Variants in SNX13 observed in about 807,000 individuals in gnomAD.
SNX13 encodes the protein sorting nexin 13.
Under a neutral mutation model 133.6 loss-of-function variants are expected in SNX13, and 45 were observed. The observed-to-expected ratio is 0.34, with a 90% CI of 0.27 to 0.43. The LOEUF (loss-of-function observed/expected upper bound fraction) is 0.43. Ranked by LOEUF, SNX13 falls within the 20% of genes least tolerant of loss-of-function variation. SNX13 has a pLI of 1.00. For synonymous variants in SNX13, 414 were observed against 373.9 expected, an observed-to-expected ratio of 1.11 and a Z score of -1.24; for missense variants, 1,032 against 1,145.1, an observed-to-expected ratio of 0.90 and a Z score of 1.43.
At chr7:17,863,339 ACCAGCTATGGTGG>A (rs1382222300) in intron 9 of SNX13, among the ~76,000 whole-genome samples, 1 of 152,074 alleles carries the variant, frequency 6.6e-6, no homozygotes, top group Non-Finnish European at 1.5e-5. Flanking sequence ...CCAGTGTAAC[ACCAGCTATGGTGG>A]CCAGCAGAGT....
chr7:17,808,001 A>C (rs1785520261), intron 20 of SNX13, among the ~76,000 whole-genome samples: 1 of 152,212 alleles, frequency 6.6e-6, no homozygotes, highest in African/African-American at 2.4e-5. Flanking sequence ...AGAAGAGGAA[A>C]AACCAGTGCA....
chr7:17,802,564 G>C (rs1305811798), intron 21 of SNX13, among the ~76,000 whole-genome samples: 1 of 152,074 alleles, frequency 6.6e-6, no homozygotes, highest in Non-Finnish European at 1.5e-5. Flanking sequence ...ATGAACAGCA[G>C]AAGTGCGACT....
chr7:17,845,109 G>A (rs964149201), intron 12 of SNX13, among the ~76,000 whole-genome samples: 1 of 151,776 alleles, frequency 6.6e-6, no homozygotes, highest in African/African-American at 2.4e-5. Context: ...AAAGTGGAGG[G>A]AGGGGAGAAG....
At position 17,912,098 on chromosome 7, in the gene SNX13, A is replaced by C. The variant is rs181464662; in HGVS notation, c.13-14652T>G. Among the ~76,000 whole-genome samples, 888 of 152,338 alleles carry C rather than the reference A, an allele frequency of 5.8e-3. 5 individuals carry two copies. The highest frequency in any genetic ancestry group is 0.02 in the Middle Eastern group (6 of 294). ...CATAAAGATCAACTCTGCAAGCTTT[A>C]ATTCAAGAAAGAAAACAGGATTCAC... is the stretch of plus-strand genomic sequence containing the variant. On this transcript the variant is annotated intron_variant, in intron 1 of 25. Coordinates refer to ENST00000428135, the MANE Select transcript of SNX13 (RefSeq NM_015132.5).
intron 17 of SNX13, among the ~76,000 whole-genome samples, chr7:17,825,710 G>A (rs532095451): frequency 2.6e-5 from 4 of 152,064 alleles, no homozygotes; most frequent in South Asian, 4.1e-4. Flanking sequence ...AAGATTTAAC[G>A]AGAATTATAC....
At chr7:17,822,565 G>C (rs887288294) in intron 17 of SNX13, among the ~76,000 whole-genome samples, 1 of 151,806 alleles carries the variant, frequency 6.6e-6, no homozygotes, top group African/African-American at 2.4e-5. Flanking sequence ...ACATACTTAC[G>C]GCCAAGTCTA....
chr7:17,920,625 T>C (rs1289304782), intron 1 of SNX13, among the ~76,000 whole-genome samples: 2 of 152,196 alleles, frequency 1.3e-5, no homozygotes, highest in Admixed American at 1.3e-4. Context: ...CATTTATTCT[T>C]ACAAAAACTT....
intron 5 of SNX13, chr7:17,882,708 A>T: frequency 1.2e-6 from 1 of 822,160 alleles, no homozygotes; most frequent in Non-Finnish European, 1.6e-6. Flanking sequence ...ACATGATTGA[A>T]AAGAAATCAA....
chr7:17,802,692 CTTACA>C (rs1243737075), intron 21 of SNX13, among the ~76,000 whole-genome samples: 3 of 152,020 alleles, frequency 2.0e-5, no homozygotes, highest in African/African-American at 4.8e-5. Context: ...AGGAGTGGCC[CTTACA>C]TTAAAGAAAA....
intron 25 of SNX13, chr7:17,796,236 A>C (rs1167866061): frequency 1.3e-5 from 2 of 151,926 alleles, no homozygotes; most frequent in Non-Finnish European, 2.9e-5. Context: ...GCTATACCCT[A>C]ATGAAGCAAC....
In SNX13 at chr7:17,875,714, T is replaced by C; in HGVS notation, c.517A>G (p.Arg173Gly). The change falls in exon 6 of 26, where the codon AGA (arginine) becomes GGA (glycine). Residue 173 changes from arginine to glycine, a missense_variant. Coordinates refer to ENST00000428135, the MANE Select transcript of SNX13 (RefSeq NM_015132.5). ...TCTGTTATTTTCTGTTGAGCCTTTC[T>C]GAATACTCGTAAGTGTGTGCCAAAG... ...DDFGTHLRVF[R>G]KAQQKITEKD... 1 of 1,612,452 alleles carries C rather than the reference T, an allele frequency of 6.2e-7. No homozygotes were observed. The highest frequency in any genetic ancestry group is 1.7e-5 in the Admixed American group (1 of 59,840).
Position 17,818,211 on chromosome 7 carries a change from T to C in SNX13, c.1846-1922A>G, listed in dbSNP as rs1786887912. Among the ~76,000 whole-genome samples, 7 of 152,140 alleles carry C rather than the reference T, an allele frequency of 4.6e-5. No individual in the cohort carries two copies. In the South Asian group the frequency reaches 1.5e-3, roughly 32 times the overall value. The stretch of plus-strand genomic sequence containing the variant: ...TCTAGTCTCTGGAACTGTAAGAAAA[T>C]ACATTTCTGTTGTTTGGGCCACCCG... On this transcript the variant is annotated intron_variant, in intron 18 of 25. Transcript: ENST00000428135.
chr7:17,893,352 T>C lies in SNX13; in HGVS notation c.208A>G (p.Thr70Ala), dbSNP rs376424127. The C allele has an allele frequency of 1.3e-4, 198 of 1,574,734 alleles. No homozygotes were observed. Among genetic ancestry groups the C allele is most frequent in the East Asian group, 3.2e-4 (14 of 43,300 alleles). The part of the protein sequence containing the change: ...EQCEHSFLPP[T>A]SPGVPKCLEE... ...TTTACCTTAGGAACCCCAGGTGATG[T>C]TGGAGGAAGAAATGAGTGTTCACAC... is the stretch of plus-strand genomic sequence containing the variant. The change falls in exon 3 of 26, where the codon ACA (threonine) becomes GCA (alanine). Residue 70 changes from threonine (T) to alanine (A), a missense_variant. Coordinates refer to ENST00000428135, the MANE Select transcript of SNX13 (RefSeq NM_015132.5).
chr7:17,864,313 T>A (rs553208508), intron 9 of SNX13, among the ~76,000 whole-genome samples: 1 of 152,250 alleles, frequency 6.6e-6, no homozygotes, highest in Non-Finnish European at 1.5e-5. Flanking sequence ...AGAATTCTAT[T>A]GAGAAATTTA....
chr7:17,799,752 G>A lies in SNX13; in HGVS notation c.2299-598C>T, dbSNP rs190343572. On this transcript the variant is annotated intron_variant, in intron 22 of 25. Coordinates refer to ENST00000428135, the MANE Select transcript of SNX13 (RefSeq NM_015132.5). ...TAGCAAATAAAAGTCAGTATTATGGGAGTATACAACCACTAAGTATACAAC... is the reference window on the plus strand; with the variant it reads ...TAGCAAATAAAAGTCAGTATTATGGAAGTATACAACCACTAAGTATACAAC... Among the ~76,000 whole-genome samples the A allele has an allele frequency of 1.6e-3, 239 of 151,680 alleles. 1 individual carries two copies. Among genetic ancestry groups the A allele is most frequent in the Non-Finnish European group, 2.7e-3 (186 of 67,674 alleles).
Position 17,875,642 on chromosome 7 carries a change from A to G in SNX13, c.562+27T>C, listed in dbSNP as rs1259083652. 6.2e-6 allele frequency: 10 copies of G among 1,606,360 alleles called. No individual in the cohort carries two copies. The East Asian group carries it at 6.7e-5, about 11-fold the overall frequency. ...AAAGGAAAACAGATTTTCAAATCCT[A>G]GTTTTCAAATGGAATAAAGATATTA... On this transcript the variant is annotated intron_variant, in intron 6 of 25. Transcript: ENST00000428135.
chr7:17,855,907 G>A (rs1157652134), intron 9 of SNX13, among the ~76,000 whole-genome samples: 1 of 152,190 alleles, frequency 6.6e-6, no homozygotes, highest in African/African-American at 2.4e-5. Context: ...TGATGGATCT[G>A]AACAAAGTAA....
chr7:17,862,448 TAAAA>T (rs1444042085), intron 9 of SNX13, among the ~76,000 whole-genome samples: 1 of 152,112 alleles, frequency 6.6e-6, no homozygotes, highest in Non-Finnish European at 1.5e-5. Flanking sequence ...ATGAAATACA[TAAAA>T]AAGAAAAATT....
At position 17,807,706 on chromosome 7, in the gene SNX13, T is replaced by C. The variant is rs763978387; in HGVS notation, c.2065-4126A>G. On this transcript the variant is annotated intron_variant, in intron 20 of 25. Transcript: ENST00000428135. ...CCATCAGGGGTCGACAGACACCTCA[T>C]ACAGGAGAGCTCCAGCTGGCATCTG... Among the ~76,000 whole-genome samples the C allele has an allele frequency of 3.3e-5, 5 of 152,146 alleles. No homozygotes were observed. The South Asian group carries it at 8.3e-4, about 25-fold the overall frequency.
Sources: allele counts gnomAD v4.1 joint callset (sites outside exome capture counted in the v4.1 genomes callset), GRCh38; gene constraint gnomAD v4.1.1; transcripts MANE v1.5; gene names NCBI Gene and HGNC (gene_info 2026-07-23, HGNC 2026-07-21).